COL12A1: variants seen among roughly 807,000 people sequenced by gnomAD.
The protein encoded by COL12A1 is collagen alpha-1(XII) chain.
A neutral mutation model predicts 349.7 loss-of-function variants in COL12A1; 114 were observed. The ratio of observed to expected loss-of-function variants is 0.33; its 90% CI spans 0.28 to 0.38. COL12A1 has a LOEUF of 0.38. Ranked by LOEUF, COL12A1 falls within the 10% of genes least tolerant of loss-of-function variation. COL12A1 has a pLI of 1.00. For synonymous variants in COL12A1, 1,369 were observed against 1,329.0 expected (o/e 1.03, Z -0.66); for missense variants, 3,284 against 3,756.9 (o/e 0.87, Z 3.29).
In COL12A1 at chr6:75,134,013, A is replaced by C. The variant is rs1344167299; in HGVS notation, c.5525-16T>G. On this transcript the variant is annotated splice_polypyrimidine_tract_variant and intron_variant, in intron 32 of 65. Transcript: ENST00000322507. ...TTTAGAGGTTCTGAAATGCACAGAAATCCCATCACAGTATAATGCTAACAA... is the reference window on the plus strand; with the variant it reads ...TTTAGAGGTTCTGAAATGCACAGAACTCCCATCACAGTATAATGCTAACAA... 6.2e-7 allele frequency: 1 copy of C among 1,609,102 alleles called. No homozygotes were observed. Among genetic ancestry groups the C allele is most frequent in the Admixed American group, 1.7e-5 (1 of 59,250 alleles).
At chr6:75,118,732 C>T (rs924995714) in intron 46 of COL12A1, among the ~76,000 whole-genome samples, 2 of 152,196 alleles carry the variant, frequency 1.3e-5, no homozygotes, top group African/African-American at 2.4e-5. Context: ...TTCATTTCTG[C>T]TATGGCAGGA....
intron 13 of COL12A1, among the ~76,000 whole-genome samples, chr6:75,173,633 G>A (rs1020300877): frequency 3.3e-5 from 5 of 152,070 alleles, no homozygotes; most frequent in African/African-American, 7.2e-5. Context: ...CCTTGGTCTC[G>A]CAAAGTGCTG....
Position 75,205,865 on chromosome 6 carries a change from C to T in COL12A1, c.-124G>A, listed in dbSNP as rs1770755294. On this transcript the variant is annotated 5_prime_UTR_variant, in exon 1 of 66. Transcript: ENST00000322507. Reference sequence around the variant, plus strand: ...TGGTGCTCGGTGTGGCCCCCACACGCCCCGGCGATAGGCGCTGCACTCCAG... The same window carrying T: ...TGGTGCTCGGTGTGGCCCCCACACGTCCCGGCGATAGGCGCTGCACTCCAG... 1 of 152,934 alleles carries T rather than the reference C, an allele frequency of 6.5e-6. No individual in the cohort carries two copies. Among genetic ancestry groups the T allele is most frequent in the Non-Finnish European group, 1.5e-5 (1 of 68,614 alleles). 9.5% of individuals were successfully genotyped at this position (152,934 alleles called of 1,614,324 possible).
chr6:75,142,361 C>T (rs979486197), intron 26 of COL12A1, among the ~76,000 whole-genome samples, 200 bp from the exon 27 acceptor site: 10 of 152,178 alleles, frequency 6.6e-5, no homozygotes, highest in African/African-American at 2.4e-4. Flanking sequence ...TGTACTAGAT[C>T]ATATGGCACA....
At chr6:75,106,925 A>G (rs1432862283) in intron 52 of COL12A1, among the ~76,000 whole-genome samples, 1 of 113,928 alleles carries the variant, frequency 8.8e-6, no homozygotes, top group African/African-American at 3.4e-5. Flanking sequence ...TTTTTGAGAC[A>G]GAGTCCCACT....
intron 43 of COL12A1, 26 bp from the exon 44 acceptor site, chr6:75,121,467 C>T (rs763409716): frequency 2.0e-6 from 3 of 1,499,850 alleles, no homozygotes; most frequent in African/African-American, 1.4e-5. Flanking sequence ...GCAGAGGAAG[C>T]CCCAAATCTC....
At chr6:75,088,151 G>A (rs533047563) in intron 64 of COL12A1, among the ~76,000 whole-genome samples, 1 of 152,336 alleles carries the variant, frequency 6.6e-6, no homozygotes, top group South Asian at 2.1e-4. Flanking sequence ...AAGCAATATT[G>A]TTTCTGGATC....
In COL12A1 at chr6:75,085,406, G is replaced by GCACACA. The variant is rs59844830; in HGVS notation, c.*1135_*1140dup. 27,474 of 421,794 alleles carry GCACACA rather than the reference G, an allele frequency of 0.065. 4,911 individuals carry two copies. Among genetic ancestry groups the GCACACA allele is most frequent in the African/African-American group, 0.46 (22,591 of 49,146 alleles). 26.1% of individuals were successfully genotyped at this position (421,794 alleles called of 1,614,324 possible). ...TTACAATTATGGCATGATTTGGAAG[G>GCACACA]CACACACACACACACACAGCAAAAG... On this transcript the variant is annotated 3_prime_UTR_variant, in exon 66 of 66. Coordinates refer to ENST00000322507, the MANE Select transcript of COL12A1 (RefSeq NM_004370.6).
chr6:75,137,644 C>T, intron 30 of COL12A1, 65 bp from the exon 31 acceptor site: 1 of 1,554,082 alleles, frequency 6.4e-7, no homozygotes, highest in Non-Finnish European at 8.8e-7. Flanking sequence ...AAAATATATA[C>T]AGCTCCCAAG....
At chr6:75,091,861 A>G (rs1383205778) in intron 60 of COL12A1, among the ~76,000 whole-genome samples, 2 of 152,132 alleles carry the variant, frequency 1.3e-5, no homozygotes, top group Non-Finnish European at 2.9e-5. Context: ...ACATATGAAG[A>G]TTGCCCTTGT....
intron 8 of COL12A1, 74 bp downstream of exon 8, chr6:75,188,287 TA>T: frequency 7.1e-7 from 1 of 1,415,006 alleles, no homozygotes; most frequent in East Asian, 2.3e-5. Context: ...TAAATATGTC[TA>T]CTTCTAAGAT....
chr6:75,174,979 T>G, intron 13 of COL12A1, 59 bp downstream of exon 13: 2 of 1,574,318 alleles, frequency 1.3e-6, no homozygotes, highest in African/African-American at 1.4e-5. Flanking sequence ...ATTTTAAGCT[T>G]CCTAGAGGCA....
At chr6:75,143,216 CA>C in intron 26 of COL12A1, 35 bp downstream of exon 26, 2 of 1,609,988 alleles carry the variant, frequency 1.2e-6, no homozygotes, top group South Asian at 1.1e-5. Flanking sequence ...ACTAGGAAAA[CA>C]AATATTTTCA....
At chr6:75,190,866 A>G (rs1052399251) in intron 5 of COL12A1, among the ~76,000 whole-genome samples, 1 of 151,972 alleles carries the variant, frequency 6.6e-6, no homozygotes, top group African/African-American at 2.4e-5. Context: ...ATAATACCTC[A>G]ATTTAAAATA....
intron 24 of COL12A1, among the ~76,000 whole-genome samples, chr6:75,145,736 A>C (rs886772028): frequency 6.6e-6 from 1 of 151,754 alleles, no homozygotes; most frequent in Non-Finnish European, 1.5e-5. Flanking sequence ...GGTTCAAGCA[A>C]TTCTCCTGTC....
chr6:75,182,645 C>T (rs1233879325), intron 10 of COL12A1, among the ~76,000 whole-genome samples: 8 of 152,112 alleles, frequency 5.3e-5, no homozygotes, highest in African/African-American at 1.7e-4. Context: ...AAAGGAAATG[C>T]ATAAAAAGAA....
rs1769744143 is a variant in COL12A1, at chr6:75,188,381, T to A, written c.978A>T (p.Glu326Asp). The change falls in exon 8 of 66, where the codon GAA (glutamate) becomes GAT (aspartate). Residue 326 changes from glutamate (E) to aspartate (D), a missense_variant. Transcript: ENST00000322507. ...VCSGVDEQLG[E>D]LVSGEEVVEP... Reference sequence around the variant, plus strand: ...ACTCACCTTCTTCTCCACTAACCAATTCACCAAGTTGTTCATCAACACCTG... The same window carrying A: ...ACTCACCTTCTTCTCCACTAACCAAATCACCAAGTTGTTCATCAACACCTG... The A allele has an allele frequency of 6.2e-7, 1 of 1,613,166 alleles. No homozygotes were observed. The highest frequency in any genetic ancestry group is 1.3e-5 in the African/African-American group (1 of 75,000).
At chr6:75,125,413 C>T in intron 39 of COL12A1, 140 bp from the exon 40 acceptor site, 1 of 677,688 alleles carries the variant, frequency 1.5e-6, no homozygotes, top group Non-Finnish European at 2.3e-6. Flanking sequence ...CACTGGGGCA[C>T]ATGCTATGTT....
At chr6:75,185,572 C>T (rs1359255828) in intron 8 of COL12A1, among the ~76,000 whole-genome samples, 1 of 152,166 alleles carries the variant, frequency 6.6e-6, no homozygotes, top group East Asian at 1.9e-4. Flanking sequence ...GGCCACTACT[C>T]CTATTAAACT....
Sources: gnomAD v4.1 joint callset for allele counts (sites outside exome capture counted in the v4.1 genomes callset) on GRCh38, gnomAD v4.1.1 for gene constraint, MANE v1.5 for transcripts, NCBI Gene and HGNC (gene_info 2026-07-23, HGNC 2026-07-21) for gene names.